Variants in CFDP1 observed in about 807,000 individuals in gnomAD.
The protein encoded by CFDP1 is chromatin remodeling protein CFDP1, also known as heterochromatin-stabilizing protein CFDP1.
CFDP1 carries 31 observed loss-of-function variants against 40.1 expected under a neutral mutation model. The ratio of observed to expected loss-of-function variants is 0.77; its 90% CI spans 0.58 to 1.04. CFDP1 has a LOEUF of 1.04. Among genes scored for constraint, CFDP1 ranks in the 50% least tolerant of loss-of-function variants. The pLI is 0.00. For missense variants in CFDP1, 423 were observed against 343.4 expected (o/e 1.23, Z -1.83); for synonymous variants, 167 against 120.0 (o/e 1.39, Z -2.56).
At chr16:75,299,550 G>A (rs929737928) in intron 6 of CFDP1, among the ~76,000 whole-genome samples, 18 of 151,640 alleles carry the variant, frequency 1.2e-4, no homozygotes, top group South Asian at 2.1e-4. Flanking sequence ...AGCTGAGATC[G>A]CGCCACTGCA....
intron 6 of CFDP1, among the ~76,000 whole-genome samples, chr16:75,300,510 C>T (rs1029837177): frequency 4.2e-4 from 64 of 152,324 alleles, no homozygotes; most frequent in African/African-American, 1.5e-3. Flanking sequence ...TGGTCTCGAA[C>T]TCCTGACCTC....
At chr16:75,390,382 T>A (rs1389248948) in intron 5 of CFDP1, among the ~76,000 whole-genome samples, 1 of 152,256 alleles carries the variant, frequency 6.6e-6, no homozygotes, top group Non-Finnish European at 1.5e-5. Context: ...AATTCTGTGC[T>A]AAGTCAGTGT....
At chr16:75,309,954 A>G (rs977847352) in intron 5 of CFDP1, among the ~76,000 whole-genome samples, 1 of 152,162 alleles carries the variant, frequency 6.6e-6, no homozygotes, top group Non-Finnish European at 1.5e-5. Context: ...TCTCCAGACA[A>G]CAGTACTTCA....
At chr16:75,404,422 C>T (rs189471758) in intron 4 of CFDP1, among the ~76,000 whole-genome samples, 9 of 151,834 alleles carry the variant, frequency 5.9e-5, no homozygotes, top group East Asian at 3.9e-4. Context: ...CGGGTTTCAC[C>T]GTGTTAGCCA....
chr16:75,372,093 G>C (rs905045932), intron 5 of CFDP1: 5 of 152,130 alleles, frequency 3.3e-5, no homozygotes, highest in African/African-American at 9.7e-5. Context: ...AGGCAATCCT[G>C]TTCAAGTCAA....
chr16:75,359,783 G>A (rs560489180), intron 5 of CFDP1, among the ~76,000 whole-genome samples: 1 of 152,268 alleles, frequency 6.6e-6, no homozygotes, highest in African/African-American at 2.4e-5. Context: ...GCCCAACAGG[G>A]ATATGCTTCA....
chr16:75,380,440 C>T (rs999296247), intron 5 of CFDP1, among the ~76,000 whole-genome samples: 9 of 151,718 alleles, frequency 5.9e-5, no homozygotes, highest in Non-Finnish European at 8.8e-5. Context: ...AACTTCCAGT[C>T]GGGGTTTTAT....
intron 1 of CFDP1, among the ~76,000 whole-genome samples, chr16:75,427,120 A>G (rs937192828): frequency 2.0e-5 from 3 of 152,156 alleles, no homozygotes; most frequent in African/African-American, 7.2e-5. Flanking sequence ...AAAACTGAAA[A>G]CAACCCAATG....
At chr16:75,400,511 T>A (rs936984023) in intron 4 of CFDP1, among the ~76,000 whole-genome samples, 5 of 152,082 alleles carry the variant, frequency 3.3e-5, no homozygotes, top group African/African-American at 1.2e-4. Flanking sequence ...GAATTATCCA[T>A]CAGGAGCAGC....
At chr16:75,328,362 A>G (rs1457041182) in intron 5 of CFDP1, among the ~76,000 whole-genome samples, 1 of 149,620 alleles carries the variant, frequency 6.7e-6, no homozygotes, top group Admixed American at 6.6e-5. Context: ...AGGCAGGTGG[A>G]TCACCTGAGG....
intron 4 of CFDP1, among the ~76,000 whole-genome samples, chr16:75,397,294 C>A (rs1308765345): frequency 6.6e-6 from 1 of 150,488 alleles, no homozygotes; most frequent in African/African-American, 2.4e-5. Flanking sequence ...GTGGGCAGAT[C>A]ATTTGAGGTC....
intron 5 of CFDP1, among the ~76,000 whole-genome samples, chr16:75,367,062 G>T (rs1249204778): frequency 6.6e-6 from 1 of 151,386 alleles, no homozygotes; most frequent in Non-Finnish European, 1.5e-5. Flanking sequence ...TACCTGGGAG[G>T]CTGAGGAAGG....
intron 5 of CFDP1, among the ~76,000 whole-genome samples, chr16:75,325,931 G>C (rs1243556651): frequency 6.6e-6 from 1 of 152,190 alleles, no homozygotes; most frequent in African/African-American, 2.4e-5. Context: ...AATTGTCCTA[G>C]GCTGGCTTAG....
intron 6 of CFDP1, among the ~76,000 whole-genome samples, chr16:75,303,850 G>A (rs1567639502): frequency 6.6e-6 from 1 of 152,180 alleles, no homozygotes; most frequent in Admixed American, 6.5e-5. Context: ...CCTCAGAGGT[G>A]TCCAGTATGC....
At chr16:75,295,805 G>C (rs1344851180) in intron 6 of CFDP1, among the ~76,000 whole-genome samples, 2 of 152,192 alleles carry the variant, frequency 1.3e-5, no homozygotes, top group Non-Finnish European at 2.9e-5. Context: ...GGAAGCTGCA[G>C]ACAGCATGGA....
Position 75,405,749 on chromosome 16 carries a change from C to CAA in CFDP1, c.530+6074_530+6075dup, listed in dbSNP as rs35698522. Among the ~76,000 whole-genome samples, 353 of 100,314 alleles carry CAA rather than the reference C, an allele frequency of 3.5e-3. 4 individuals are homozygous for CAA. Among genetic ancestry groups the CAA allele is most frequent in the Non-Finnish European group, 4.5e-3 (236 of 52,874 alleles). The allele number at this position is 100,314 out of a possible 152,430, so 65.8% of individuals were successfully genotyped here. A position where few individuals can be genotyped will look rare whatever the true frequency, so the allele number is the denominator to read the frequency against. ...TGGGTGACAGAGTGAGACTCCATCT[C>CAA]AAAAAAAAAAAAAAAACAAATGAGC... On this transcript the variant is annotated intron_variant, in intron 4 of 6. Coordinates refer to ENST00000283882, the MANE Select transcript of CFDP1 (RefSeq NM_006324.3).
intron 5 of CFDP1, among the ~76,000 whole-genome samples, chr16:75,359,502 C>G (rs945163466): frequency 1.3e-5 from 2 of 152,164 alleles, no homozygotes; most frequent in African/African-American, 2.4e-5. Context: ...GCTGTTTTCC[C>G]CTAAGACTCT....
At chr16:75,345,538 C>G (rs1268486531) in intron 5 of CFDP1, among the ~76,000 whole-genome samples, 1 of 152,098 alleles carries the variant, frequency 6.6e-6, no homozygotes, top group Non-Finnish European at 1.5e-5. Context: ...ACTTAAGAGG[C>G]TGAGCAAGAG....
chr16:75,318,673 G>A (rs1486241632), intron 5 of CFDP1, among the ~76,000 whole-genome samples: 1 of 151,996 alleles, frequency 6.6e-6, no homozygotes, highest in Non-Finnish European at 1.5e-5. Context: ...CAAAGTGCTG[G>A]GATTACAGGC....
Sources: allele counts gnomAD v4.1 joint callset (sites outside exome capture counted in the v4.1 genomes callset), GRCh38; gene constraint gnomAD v4.1.1; transcripts MANE v1.5; gene names NCBI Gene and HGNC (gene_info 2026-07-23, HGNC 2026-07-21).